Variants in SCYL3 observed in about 807,000 individuals in gnomAD.
SCYL3 encodes the protein protein-associating with the carboxyl-terminal domain of ezrin.
SCYL3 carries 35 observed loss-of-function variants against 73.8 expected under a neutral mutation model. The ratio of observed to expected loss-of-function variants is 0.47; its 90% CI spans 0.36 to 0.63. The LOEUF (loss-of-function observed/expected upper bound fraction) is 0.63, where lower values mean the gene tolerates loss of function less well. SCYL3 is among the 20% of genes least tolerant of loss of function. The probability of loss-of-function intolerance (pLI) is 0.00; values close to 1 mark genes in which losing one functional copy is unlikely to be tolerated. For missense variants in SCYL3, 712 were observed against 798.9 expected, an observed-to-expected ratio of 0.89 and a Z score of 1.31; for synonymous variants, 277 against 295.2, an observed-to-expected ratio of 0.94 and a Z score of 0.63.
intron 1 of SCYL3, among the ~76,000 whole-genome samples, chr1:169,889,371 ATTG>A (rs1661901745): frequency 1.3e-5 from 2 of 152,228 alleles, no homozygotes; most frequent in Admixed American, 1.3e-4. Flanking sequence ...GTTGAAAAAC[ATTG>A]TTAATATGAT....
intron 11 of SCYL3, among the ~76,000 whole-genome samples, chr1:169,856,670 A>G (rs1659197204): frequency 6.6e-6 from 1 of 152,068 alleles, no homozygotes; most frequent in Non-Finnish European, 1.5e-5. Context: ...AGTCCTATCT[A>G]ATGCCTTATC....
chr1:169,854,221 A>C, intron 12 of SCYL3, 49 bp downstream of exon 12: 1 of 1,406,920 alleles, frequency 7.1e-7, no homozygotes, highest in Non-Finnish European at 9.6e-7. Flanking sequence ...AGGACCTATG[A>C]GGGAAATCCT....
chr1:169,873,528 G>A (rs4656726), intron 5 of SCYL3, among the ~76,000 whole-genome samples, 168 bp downstream of exon 5: 16,973 of 152,184 alleles, frequency 0.11, 1,118 homozygotes, highest in Admixed American at 0.19. Context: ...ATTTAAGCTG[G>A]CTCCCTGGCT....
intron 2 of SCYL3, among the ~76,000 whole-genome samples, chr1:169,881,425 A>C (rs1433278498): frequency 6.6e-6 from 1 of 152,212 alleles, no homozygotes; most frequent in Non-Finnish European, 1.5e-5. Flanking sequence ...TCTTTTCTTT[A>C]TGCTAGAAAC....
rs1447041050 is a variant in SCYL3 at position 169,859,019 on chromosome 1, T to C, written c.1312+22A>G. 3 of 1,607,800 alleles carry C rather than the reference T, an allele frequency of 1.9e-6. No homozygotes were observed. In the African/African-American group the frequency reaches 4.0e-5, roughly 22 times the overall value. On this transcript the variant is annotated intron_variant, in intron 11 of 12. Coordinates refer to ENST00000367771, the MANE Select transcript of SCYL3 (RefSeq NM_020423.7). ...TCTAAAAAAATGACACACAAAAAGT[T>C]AGACCTTTTAATAATTCTTACCTTC... is the stretch of plus-strand genomic sequence containing the variant.
chr1:169,877,095 G>C (rs1228005842), intron 3 of SCYL3, among the ~76,000 whole-genome samples: 1 of 149,142 alleles, frequency 6.7e-6, no homozygotes, highest in Non-Finnish European at 1.5e-5. Context: ...AGGTATTTAA[G>C]TTTTTTTCCC....
intron 2 of SCYL3, among the ~76,000 whole-genome samples, chr1:169,883,172 G>GT (rs1466244324): frequency 6.6e-6 from 1 of 152,258 alleles, no homozygotes; most frequent in Admixed American, 6.5e-5. Flanking sequence ...TTTAAGAACT[G>GT]TAACACTCAC....
At chr1:169,882,435 C>T (rs994161102) in intron 2 of SCYL3, among the ~76,000 whole-genome samples, 7 of 152,292 alleles carry the variant, frequency 4.6e-5, no homozygotes, top group East Asian at 3.9e-4. Flanking sequence ...CCCTGACCAG[C>T]GCCGCCCCCT....
chr1:169,874,312 T>C (rs1305017401), intron 4 of SCYL3, among the ~76,000 whole-genome samples: 6 of 152,196 alleles, frequency 3.9e-5, no homozygotes, highest in Admixed American at 3.9e-4. Context: ...GAATACAAGA[T>C]GAATGCAATA....
In SCYL3 at chr1:169,862,658, C is replaced by T. The variant is rs1474665266; in HGVS notation, c.1095G>A (p.Val365=). The change falls in exon 10 of 13, where the codon GTG becomes GTA. Residue 365 remains valine, a synonymous_variant. Transcript: ENST00000367771. Reference sequence around the variant, plus strand: ...TCAGCTGCTCCTGAGTGAAGTGCTCCACGTAGGCCTCGATGTGAGACAGCA... The same window carrying T: ...TCAGCTGCTCCTGAGTGAAGTGCTCTACGTAGGCCTCGATGTGAGACAGCA... ...MVLLSHIEAY[V]EHFTQEQLKK... is the part of the protein sequence containing the mutation. 6.2e-7 allele frequency: 1 copy of T among 1,614,132 alleles called. No homozygotes were observed. Among genetic ancestry groups the T allele is most frequent in the South Asian group, 1.1e-5 (1 of 91,080 alleles).
At chr1:169,857,768 A>C (rs926634269) in intron 11 of SCYL3, among the ~76,000 whole-genome samples, 1 of 152,126 alleles carries the variant, frequency 6.6e-6, no homozygotes, top group Admixed American at 6.6e-5. Context: ...CAATGGGGAC[A>C]TGTTCTGAGA....
At chr1:169,879,737 G>C (rs576683819) in intron 2 of SCYL3, among the ~76,000 whole-genome samples, 10 of 152,236 alleles carry the variant, frequency 6.6e-5, no homozygotes, top group African/African-American at 2.4e-4. Flanking sequence ...ACCACTCCAA[G>C]GGGCCTCAGA....
rs1660302832 is a variant in SCYL3 at position 169,870,272 on chromosome 1, G to T, written c.608C>A (p.Thr203Lys). 1.9e-6 allele frequency: 3 copies of T among 1,612,592 alleles called. No homozygotes were observed. The highest frequency in any genetic ancestry group is 2.5e-6 in the Non-Finnish European group (3 of 1,178,958). The change falls in exon 6 of 13, where the codon ACA (threonine) becomes AAA (lysine). Residue 203 changes from threonine to lysine, a missense_variant. Thr to Lys is a moderately conservative substitution (Grantham distance 78). Around this residue, in one of 2 missense-constraint regions of SCYL3, gnomAD observed 342 missense variants for 448.1 expected, o/e 0.76. Coordinates refer to ENST00000367771, the MANE Select transcript of SCYL3 (RefSeq NM_020423.7). ...SFGTLVESLL[T>K]ILNEQVSADV... ...CAACTCACCCTGTTCATTTAAGATTGTGAGCAAACTTTCCACCAATGTTCC... is the reference window on the plus strand; with the variant it reads ...CAACTCACCCTGTTCATTTAAGATTTTGAGCAAACTTTCCACCAATGTTCC...
intron 11 of SCYL3, among the ~76,000 whole-genome samples, chr1:169,856,654 C>T (rs1225063219): frequency 6.6e-6 from 1 of 152,146 alleles, no homozygotes; most frequent in Non-Finnish European, 1.5e-5. Flanking sequence ...CCACTATCCT[C>T]CTTGAAGTCC....
At chr1:169,863,718 A>C (rs747690611) in intron 9 of SCYL3, among the ~76,000 whole-genome samples, 1 of 152,238 alleles carries the variant, frequency 6.6e-6, no homozygotes, top group Non-Finnish European at 1.5e-5. Flanking sequence ...AAGAGCTATA[A>C]AGAAAAATTC....
At chr1:169,887,120 GT>G (rs1350827088) in intron 2 of SCYL3, among the ~76,000 whole-genome samples, 1 of 152,148 alleles carries the variant, frequency 6.6e-6, no homozygotes, top group Admixed American at 6.5e-5. Flanking sequence ...AGAATCTAAA[GT>G]TATCACTTTG....
Position 169,851,019 on chromosome 1 carries a change from T to C in SCYL3, c.*2694A>G, listed in dbSNP as rs878925794. On this transcript the variant is annotated 3_prime_UTR_variant, in exon 13 of 13. Coordinates refer to ENST00000367771, the MANE Select transcript of SCYL3 (RefSeq NM_020423.7). ...TTTTTTTTTTTTTATTTGGGCAGCC[T>C]CCCAAGCCAGGGTAAGCTCAGGGCC... is the stretch of plus-strand genomic sequence containing the variant. The C allele has an allele frequency of 2.2e-5, 1 of 45,464 alleles. No homozygotes were observed. Among genetic ancestry groups the C allele is most frequent in the Non-Finnish European group, 4.6e-5 (1 of 21,962 alleles). The allele number at this position is 45,464 out of a possible 1,614,324, so 2.8% of individuals were successfully genotyped here. A position where few individuals can be genotyped will look rare whatever the true frequency, so the allele number is the denominator to read the frequency against.
intron 3 of SCYL3, 34 bp downstream of exon 3, chr1:169,878,600 A>G: frequency 6.5e-7 from 1 of 1,542,636 alleles, no homozygotes; most frequent in Non-Finnish European, 8.8e-7. Context: ...CATCTACATC[A>G]AAGTCTGTGA....
In SCYL3 at chr1:169,862,801, C is replaced by T. The variant is rs1347533039; in HGVS notation, c.956-4G>A. Reference sequence around the variant, plus strand: ...GGAGTTTCTCCCTGCGCATGATCTACCCGAAAAATCAAAGGTTACAGATGA... The same window carrying T: ...GGAGTTTCTCCCTGCGCATGATCTATCCGAAAAATCAAAGGTTACAGATGA... On this transcript the variant is annotated splice_region_variant and splice_polypyrimidine_tract_variant and intron_variant, in intron 9 of 12. Transcript: ENST00000367771. The T allele has an allele frequency of 1.9e-6, 3 of 1,611,882 alleles. No individual in the cohort carries two copies. The highest frequency in any genetic ancestry group is 1.3e-5 in the African/African-American group (1 of 74,806).
Sources: allele counts gnomAD v4.1 joint callset (sites outside exome capture counted in the v4.1 genomes callset), GRCh38; gene constraint gnomAD v4.1.1; regional missense constraint gnomAD v4.1.1; transcripts MANE v1.5; gene names NCBI Gene and HGNC (gene_info 2026-07-23, HGNC 2026-07-21).